The following BACH2 variants were observed in gnomAD, a reference collection of about 807,000 sequenced individuals.
BACH2 encodes transcription regulator protein BACH2.
Under a neutral mutation model 61.8 loss-of-function variants are expected in BACH2, and 5 were observed. The ratio of observed to expected loss-of-function variants is 0.08; its 90% CI spans 0.04 to 0.17. The LOEUF is 0.17. BACH2 is among the 10% of genes least tolerant of loss of function. The pLI, the probability that BACH2 is intolerant of heterozygous loss-of-function variation, is 1.00. For synonymous variants in BACH2, 446 were observed against 440.1 expected, an observed-to-expected ratio of 1.01 and a Z score of -0.17; for missense variants, 824 against 1,091.1, an observed-to-expected ratio of 0.76 and a Z score of 3.45.
chr6:90,280,454 G>A (rs988077121), intron 1 of BACH2, among the ~76,000 whole-genome samples: 10 of 152,172 alleles, frequency 6.6e-5, no homozygotes, highest in Non-Finnish European at 1.2e-4. Flanking sequence ...CTGTGGACAT[G>A]TAACATCCCA....
At position 89,950,696 on chromosome 6, in the gene BACH2, G is replaced by A. The variant is rs757688875; in HGVS notation, c.1410C>T (p.Ala470=). Reference sequence around the variant, plus strand: ...CCTGCGAGCTGGGGAGGGACTGGCCGGCTCCCACCCACAGACCCTTTGGCA... The same window carrying A: ...CCTGCGAGCTGGGGAGGGACTGGCCAGCTCCCACCCACAGACCCTTTGGCA... The part of the protein sequence containing the change: ...EPVPKGLWVG[A]GQSLPSSQAY... Residue 470 remains alanine (A), a synonymous_variant, in exon 7 of 9, where the codon GCC becomes GCT. Coordinates refer to ENST00000257749, the MANE Select transcript of BACH2 (RefSeq NM_021813.4). The surrounding 1 kb of genome is among the most constrained non-coding windows in gnomAD (Gnocchi z 5.3). The A allele has an allele frequency of 4.3e-5, 69 of 1,614,010 alleles. No individual in the cohort carries two copies. In the South Asian group the frequency reaches 5.2e-4, roughly 12 times the overall value.
At chr6:89,973,354 G>A (rs1271221081) in intron 6 of BACH2, among the ~76,000 whole-genome samples, 2 of 152,238 alleles carry the variant, frequency 1.3e-5, no homozygotes, top group Non-Finnish European at 2.9e-5. Context: ...GGAAAAGGCA[G>A]GGGAAAGTTG....
At chr6:90,049,134 A>G (rs551985291) in intron 5 of BACH2, among the ~76,000 whole-genome samples, 7 of 152,356 alleles carry the variant, frequency 4.6e-5, no homozygotes, top group South Asian at 4.1e-4. Flanking sequence ...TGATCCAATC[A>G]TTCCATAAAC....
chr6:90,008,956 G>C lies in BACH2; in HGVS notation c.-12-100C>G, dbSNP rs569554225. 7.2e-7 allele frequency: 1 copy of C among 1,397,758 alleles called. No individual in the cohort carries two copies. Among genetic ancestry groups the C allele is most frequent in the African/African-American group, 1.4e-5 (1 of 69,830 alleles). 86.6% of individuals were successfully genotyped at this position (1,397,758 alleles called of 1,614,324 possible). On this transcript the variant is annotated intron_variant, in intron 5 of 8. Coordinates refer to ENST00000257749, the MANE Select transcript of BACH2 (RefSeq NM_021813.4). This position sits in a 1 kb window ranked among gnomAD's most constrained non-coding sequence, Gnocchi z 4.1. ...GGTGAGAAAGAACATCATGGTTCCTGTGTCCCACTGCCATGAGCATGGCAG... is the reference window on the plus strand; with the variant it reads ...GGTGAGAAAGAACATCATGGTTCCTCTGTCCCACTGCCATGAGCATGGCAG...
intron 4 of BACH2, among the ~76,000 whole-genome samples, chr6:90,158,931 C>T (rs534679439): frequency 6.6e-6 from 1 of 152,330 alleles, no homozygotes; most frequent in East Asian, 1.9e-4. Flanking sequence ...TTTCTTAGCA[C>T]TAATAAACTA....
At chr6:90,131,106 G>C (rs1784062848) in intron 4 of BACH2, among the ~76,000 whole-genome samples, 2 of 152,180 alleles carry the variant, frequency 1.3e-5, no homozygotes, top group Non-Finnish European at 1.5e-5. Flanking sequence ...GGGCTCTCTG[G>C]AGGACCACTG....
At chr6:90,103,524 A>G (rs746843279) in intron 4 of BACH2, among the ~76,000 whole-genome samples, 4 of 152,190 alleles carry the variant, frequency 2.6e-5, no homozygotes, top group Admixed American at 6.5e-5. Flanking sequence ...CCTGAAAAGA[A>G]ACTCTGTTAC....
At chr6:90,249,372 C>G (rs1198759854) in intron 3 of BACH2, among the ~76,000 whole-genome samples, 1 of 152,178 alleles carries the variant, frequency 6.6e-6, no homozygotes, top group South Asian at 2.1e-4. Context: ...AGTCCCCTTT[C>G]CTTGGTAGAA....
chr6:89,957,450 G>A (rs1251903058), intron 6 of BACH2, among the ~76,000 whole-genome samples: 2 of 151,854 alleles, frequency 1.3e-5, no homozygotes, highest in African/African-American at 4.8e-5. Flanking sequence ...GGCTTGTCTT[G>A]AACTCCTGGG....
chr6:90,261,081 GTAGATCTAAGCACTTATTTTCA>G (rs1771142612), intron 2 of BACH2, among the ~76,000 whole-genome samples: 1 of 152,178 alleles, frequency 6.6e-6, no homozygotes, highest in African/African-American at 2.4e-5. Flanking sequence ...GCTTCTAGCT[GTAGATCTAAGCACTTATTTTCA>G]TGGACACTAC....
chr6:89,983,911 T>G (rs1250825787), intron 6 of BACH2, among the ~76,000 whole-genome samples: 1 of 152,236 alleles, frequency 6.6e-6, no homozygotes, highest in Non-Finnish European at 1.5e-5. Flanking sequence ...CACATGCTTA[T>G]TTCATGGTCT....
intron 3 of BACH2, among the ~76,000 whole-genome samples, chr6:90,211,610 G>GTT (rs898430034): frequency 1.3e-5 from 2 of 151,358 alleles, no homozygotes; most frequent in African/African-American, 4.9e-5. Context: ...GTGTGTGTGT[G>GTT]TGTGTGTGTG....
At chr6:89,964,595 C>T (rs920486746) in intron 6 of BACH2, among the ~76,000 whole-genome samples, 5 of 152,142 alleles carry the variant, frequency 3.3e-5, no homozygotes, top group African/African-American at 4.8e-5. Flanking sequence ...AGCCAGATTA[C>T]GACCCGAATA....
intron 2 of BACH2, among the ~76,000 whole-genome samples, chr6:90,265,575 C>T (rs1192362868): frequency 6.6e-6 from 1 of 152,186 alleles, no homozygotes; most frequent in Non-Finnish European, 1.5e-5. Context: ...GTAATAAACA[C>T]CACGCTGCAG....
At chr6:90,278,471 T>A (rs191722640) in intron 1 of BACH2, among the ~76,000 whole-genome samples, 153 of 152,364 alleles carry the variant, frequency 1.0e-3, no homozygotes, top group African/African-American at 3.5e-3. Flanking sequence ...TTTGCAACAG[T>A]CTTGGACCTG....
chr6:89,970,783 A>G (rs891405956), intron 6 of BACH2, among the ~76,000 whole-genome samples: 3 of 152,110 alleles, frequency 2.0e-5, no homozygotes, highest in Non-Finnish European at 4.4e-5. Flanking sequence ...GGTGGTGCGC[A>G]ATTCTAGGAA....
chr6:90,203,845 C>G (rs1309513940), intron 4 of BACH2, among the ~76,000 whole-genome samples: 2 of 152,096 alleles, frequency 1.3e-5, no homozygotes, highest in Admixed American at 1.3e-4. Flanking sequence ...ATCCAAAGTC[C>G]CAAAGTACAC....
At position 90,136,834 on chromosome 6, in the gene BACH2, TTTTC is replaced by T. The variant is rs983204151; in HGVS notation, c.-161-47729_-161-47726del. ...TGAGCACTAAACCATGCTATTTTTC[TTTTC>T]TTTCTTTTTTTTTTTTTAAATCCTA... On this transcript the variant is annotated intron_variant, in intron 4 of 8. Coordinates refer to ENST00000257749, the MANE Select transcript of BACH2 (RefSeq NM_021813.4). 1.6e-4 allele frequency among the ~76,000 whole-genome samples: 24 copies of T among 151,282 alleles called. No homozygotes were observed. In the South Asian group the frequency reaches 3.6e-3, roughly 22 times the overall value.
intron 4 of BACH2, among the ~76,000 whole-genome samples, chr6:90,157,907 G>A (rs1310839205): frequency 6.6e-6 from 1 of 152,130 alleles, no homozygotes; most frequent in Non-Finnish European, 1.5e-5. Flanking sequence ...CAATAATGAG[G>A]AAGGCAGACA....
Sources: gnomAD v4.1 joint callset for allele counts (sites outside exome capture counted in the v4.1 genomes callset) on GRCh38, gnomAD v4.1.1 for gene constraint, Gnocchi (gnomAD v3.1) non-coding constraint, MANE v1.5 for transcripts, NCBI Gene and HGNC (gene_info 2026-07-23, HGNC 2026-07-21) for gene names.